Variants in BRSK2 observed in about 807,000 individuals in gnomAD.
BRSK2 encodes the protein BR serine/threonine kinase 2, also known as serine/threonine-protein kinase BRSK2.
BRSK2 carries 19 observed loss-of-function variants against 83.3 expected under a neutral mutation model. The ratio of observed to expected loss-of-function variants is 0.23; its 90% confidence interval spans 0.16 to 0.33. The LOEUF (loss-of-function observed/expected upper bound fraction) is 0.33, where lower values mean the gene tolerates loss of function less well. BRSK2 is among the 10% of genes least tolerant of loss of function. The pLI, the probability that BRSK2 is intolerant of heterozygous loss-of-function variation, is 1.00. For synonymous variants in BRSK2, 519 were observed against 435.4 expected, an observed-to-expected ratio of 1.19 and a Z score of -2.39; for missense variants, 798 against 1,042.3, an observed-to-expected ratio of 0.77 and a Z score of 3.23.
At chr11:1,460,452 T>C (rs1433913941) in intron 19 of BRSK2, 48 bp from the exon 20 acceptor site, 3 of 1,203,252 alleles carry the variant, frequency 2.5e-6, no homozygotes, top group Non-Finnish European at 2.1e-6. Flanking sequence ...CCCTTTTTTT[T>C]CTTTTTTCCT....
intron 12 of BRSK2, chr11:1,447,739 C>T (rs1032823643): frequency 1.8e-5 from 27 of 1,531,170 alleles, no homozygotes; most frequent in South Asian, 2.3e-5. Context: ...CCCTGGGGGC[C>T]GACCTGTGCC....
intron 1 of BRSK2, among the ~76,000 whole-genome samples, chr11:1,392,143 G>A (rs1397159156): frequency 1.3e-5 from 2 of 152,218 alleles, no homozygotes. Context: ...GCTGCTGAAG[G>A]GTCACCAGGA....
At chr11:1,401,859 C>A (rs1344095376) in intron 1 of BRSK2, among the ~76,000 whole-genome samples, 2 of 152,252 alleles carry the variant, frequency 1.3e-5, no homozygotes, top group Non-Finnish European at 2.9e-5. Context: ...GTCCTCACAG[C>A]CCAGCTGCAG....
rs557456466 is a variant in BRSK2, at chr11:1,434,212, C to T, written c.92-1828C>T. On this transcript the variant is annotated intron_variant, in intron 1 of 19. Coordinates refer to ENST00000528841, the MANE Select transcript of BRSK2 (RefSeq NM_001256627.2). The stretch of plus-strand genomic sequence containing the variant: ...GTCCCGCGGGTCAACAGGGCGAGGC[C>T]GAGTCTGGGTGAAATTTGAGCACAG... 3.1e-4 allele frequency among the ~76,000 whole-genome samples: 47 copies of T among 152,336 alleles called. No individual in the cohort carries two copies. In the South Asian group the frequency reaches 6.6e-3, roughly 22 times the overall value.
intron 1 of BRSK2, among the ~76,000 whole-genome samples, chr11:1,403,579 AAG>A (rs1273333041): frequency 1.3e-5 from 2 of 152,130 alleles, no homozygotes; most frequent in African/African-American, 2.4e-5. Flanking sequence ...TTTGGTGTGA[AAG>A]GGGGATAACT....
At chr11:1,411,992 G>A (rs992500224) in intron 1 of BRSK2, among the ~76,000 whole-genome samples, 4 of 149,980 alleles carry the variant, frequency 2.7e-5, no homozygotes, top group African/African-American at 4.9e-5. Flanking sequence ...GCGCCGCCCC[G>A]TCCTGCGGTG....
In BRSK2 at chr11:1,450,734, C is replaced by T. The variant is rs1845718250; in HGVS notation, c.1435C>T (p.Leu479Phe). The T allele has an allele frequency of 1.9e-6, 3 of 1,600,218 alleles. No individual in the cohort carries two copies. The highest frequency in any genetic ancestry group is 1.3e-5 in the African/African-American group (1 of 74,228). The change falls in exon 14 of 20, where the codon CTC (leucine) becomes TTC (phenylalanine). Residue 479 changes from leucine (L) to phenylalanine (F), a missense_variant. Physicochemically the swap from Leu to Phe is conservative, Grantham distance 22 (BLOSUM62 0). Around this residue, in one of 6 missense-constraint regions of BRSK2, gnomAD observed 455 missense variants for 455.2 expected, o/e 1.00. Coordinates refer to ENST00000528841, the MANE Select transcript of BRSK2 (RefSeq NM_001256627.2). ...CGGAGGGGTGCCCTGGAGGGCGCGG[C>T]TCAACTCCATCAAGAACAGCTTTCT... ...SVGGVPWRARLNSIKNSFLGS... is the reference protein window; with the variant it reads ...SVGGVPWRARFNSIKNSFLGS...
chr11:1,415,316 G>C (rs1235875698), intron 1 of BRSK2, among the ~76,000 whole-genome samples: 1 of 152,094 alleles, frequency 6.6e-6, no homozygotes, highest in Non-Finnish European at 1.5e-5. Context: ...GGATGGTCTT[G>C]ATCTCCTGAC....
intron 12 of BRSK2, 49 bp downstream of exon 12, chr11:1,445,956 C>T (rs572730015): frequency 1.1e-4 from 165 of 1,550,528 alleles, no homozygotes; most frequent in Middle Eastern, 8.2e-4. Flanking sequence ...GCCCTGGCTG[C>T]GCGGCACTGC....
intron 3 of BRSK2, among the ~76,000 whole-genome samples, chr11:1,440,217 C>T (rs528398712): frequency 1.6e-4 from 25 of 152,276 alleles, no homozygotes; most frequent in African/African-American, 3.4e-4. Flanking sequence ...TGAGACCCCA[C>T]GGGGGCGGTG....
rs367711246 is a variant in BRSK2, at chr11:1,443,158, G to T, written c.564+19G>T. 2.6e-6 allele frequency: 4 copies of T among 1,537,244 alleles called. No individual in the cohort carries two copies. The South Asian group carries it at 4.8e-5, about 18-fold the overall frequency. The stretch of plus-strand genomic sequence containing the variant: ...GATCCGGGTGAGTCAGCGCCGCCGC[G>T]TGCAGCTCTGTGGGGCCCAGGGTGG... On this transcript the variant is annotated intron_variant, in intron 6 of 19. Coordinates refer to ENST00000528841, the MANE Select transcript of BRSK2 (RefSeq NM_001256627.2).
chr11:1,460,913 TCTGTCTCTGCCTCTGC>T lies in BRSK2; in HGVS notation c.*200_*215del. 2.5e-6 allele frequency: 4 copies of T among 1,611,002 alleles called. No individual in the cohort carries two copies. The highest frequency in any genetic ancestry group is 3.4e-6 in the Non-Finnish European group (4 of 1,178,998). ...CCACCCGCGCCCGCTCTCTTTTCTCTCTGTCTCTGCCTCTGCCTGTCTCTGACAGCATCGCTTGTTT... is the reference window on the plus strand; with the variant it reads ...CCACCCGCGCCCGCTCTCTTTTCTCTCTGTCTCTGACAGCATCGCTTGTTT... On this transcript the variant is annotated 3_prime_UTR_variant, in exon 20 of 20. Transcript: ENST00000528841.
At chr11:1,407,253 G>A (rs1456813988) in intron 1 of BRSK2, among the ~76,000 whole-genome samples, 1 of 152,132 alleles carries the variant, frequency 6.6e-6, no homozygotes, top group East Asian at 1.9e-4. Flanking sequence ...TGGGTCACCG[G>A]CTCTGACTGG....
At chr11:1,404,042 T>C (rs1278327999) in intron 1 of BRSK2, among the ~76,000 whole-genome samples, 1 of 152,170 alleles carries the variant, frequency 6.6e-6, no homozygotes, top group Non-Finnish European at 1.5e-5. Flanking sequence ...CTTCGCTCTT[T>C]GACCAGTGAA....
intron 13 of BRSK2, 77 bp downstream of exon 13, chr11:1,449,913 G>T: frequency 8.6e-7 from 1 of 1,163,314 alleles, no homozygotes. Context: ...GCCAGGGTGG[G>T]GGCAGCCTCG....
intron 1 of BRSK2, among the ~76,000 whole-genome samples, chr11:1,393,895 T>C (rs1213077654): frequency 7.0e-6 from 1 of 142,160 alleles, no homozygotes; most frequent in African/African-American, 2.6e-5. Flanking sequence ...AGATGGGTCC[T>C]GGAGATGGGC....
chr11:1,411,481 C>T, intron 1 of BRSK2: 1 of 1,481,542 alleles, frequency 6.7e-7, no homozygotes, highest in African/African-American at 1.4e-5. Flanking sequence ...CTCTGCTCCC[C>T]AAGAGAGCCC....
At chr11:1,401,558 C>T (rs1268151882) in intron 1 of BRSK2, among the ~76,000 whole-genome samples, 1 of 152,202 alleles carries the variant, frequency 6.6e-6, no homozygotes, top group Non-Finnish European at 1.5e-5. Flanking sequence ...CTCCTGCAGG[C>T]TGCACTGAGC....
rs1851885979 is a variant in BRSK2 at position 1,445,353 on chromosome 11, C to T, written c.872C>T (p.Ser291Leu). ...QPIPRKVQIR[S>L]LPSLEDIDPD... is the part of the protein sequence containing the mutation. ...ATTCCTCGCAAGGTGCAGATCCGCT[C>T]GCTGCCCAGCCTGGAGGACATCGAC... Residue 291 changes from serine (S) to leucine (L), a missense_variant, in exon 10 of 20, where the codon TCG becomes TTG. Physicochemically the swap from Ser to Leu is moderately radical, Grantham distance 145. Coordinates refer to ENST00000528841, the MANE Select transcript of BRSK2 (RefSeq NM_001256627.2). 2 of 1,611,738 alleles carry T rather than the reference C, an allele frequency of 1.2e-6. No individual in the cohort carries two copies. Among genetic ancestry groups the T allele is most frequent in the South Asian group, 1.1e-5 (1 of 90,834 alleles).
Sources: allele counts gnomAD v4.1 joint callset (sites outside exome capture counted in the v4.1 genomes callset), GRCh38; gene constraint gnomAD v4.1.1; regional missense constraint gnomAD v4.1.1; transcripts MANE v1.5; gene names NCBI Gene and HGNC (gene_info 2026-07-23, HGNC 2026-07-21).